Variants in NRG3 observed in about 807,000 individuals in gnomAD.
NRG3 encodes pro-neuregulin-3, membrane-bound isoform.
Under a neutral mutation model 66.9 loss-of-function variants are expected in NRG3, and 31 were observed. That is an observed-to-expected ratio of 0.46 (90% CI 0.35 to 0.63). The LOEUF (loss-of-function observed/expected upper bound fraction) is 0.63. Ranked by LOEUF, NRG3 falls within the 20% of genes least tolerant of loss-of-function variation. The pLI is 0.00. For missense variants in NRG3, 910 were observed against 878.9 expected (o/e 1.04, Z -0.45); for synonymous variants, 393 against 359.4 (o/e 1.09, Z -1.06).
chr10:82,114,765 C>T (rs1028728855), intron 1 of NRG3, among the ~76,000 whole-genome samples: 18 of 151,998 alleles, frequency 1.2e-4, no homozygotes, highest in African/African-American at 3.9e-4. Context: ...ATTAAATTTC[C>T]CCTGGAAACT....
chr10:82,408,079 GAGAGAC>G (rs1412636068), intron 2 of NRG3, among the ~76,000 whole-genome samples: 3 of 123,346 alleles, frequency 2.4e-5, no homozygotes, highest in East Asian at 2.3e-4. Context: ...GAGAGAGAGA[GAGAGAC>G]AGAAAGAAAG....
intron 1 of NRG3, chr10:81,878,120 T>C (rs1000756794): frequency 4.7e-6 from 7 of 1,498,506 alleles, no homozygotes; most frequent in Non-Finnish European, 6.2e-6. Context: ...CCCTCTATGC[T>C]CTCTTCCTAC....
At chr10:82,326,557 T>C (rs2081883953) in intron 1 of NRG3, among the ~76,000 whole-genome samples, 1 of 152,182 alleles carries the variant, frequency 6.6e-6, no homozygotes, top group South Asian at 2.1e-4. Flanking sequence ...TACTTTGAAG[T>C]CGCCCCATAC....
At chr10:82,387,274 CAAAAT>C (rs2086062889) in intron 2 of NRG3, among the ~76,000 whole-genome samples, 1 of 151,960 alleles carries the variant, frequency 6.6e-6, no homozygotes. Context: ...ATAAAACACT[CAAAAT>C]ATATATGCTT....
intron 6 of NRG3, among the ~76,000 whole-genome samples, chr10:82,973,402 C>A (rs1218097557): frequency 6.6e-6 from 1 of 152,152 alleles, no homozygotes; most frequent in Non-Finnish European, 1.5e-5. Context: ...AGTGTTGATT[C>A]AATCCTTATT....
At chr10:82,213,355 C>G (rs2075498723) in intron 1 of NRG3, among the ~76,000 whole-genome samples, 1 of 152,146 alleles carries the variant, frequency 6.6e-6, no homozygotes, top group South Asian at 2.1e-4. Flanking sequence ...CCACATCTGA[C>G]CTCATAGTCA....
At chr10:82,794,869 C>T (rs2060732268) in intron 3 of NRG3, among the ~76,000 whole-genome samples, 1 of 152,148 alleles carries the variant, frequency 6.6e-6, no homozygotes, top group Middle Eastern at 3.2e-3. Context: ...GAATGTCTCC[C>T]ATATGAAATA....
chr10:82,834,692 C>T (rs185152620), intron 3 of NRG3, among the ~76,000 whole-genome samples: 3 of 152,334 alleles, frequency 2.0e-5, no homozygotes, highest in Middle Eastern at 6.8e-3. Context: ...CACTCTCACT[C>T]CTCCTACCTG....
At chr10:82,866,803 G>A (rs1025943266) in intron 4 of NRG3, among the ~76,000 whole-genome samples, 6 of 152,244 alleles carry the variant, frequency 3.9e-5, no homozygotes, top group Admixed American at 1.3e-4. Context: ...GAAGATGGAG[G>A]AGTTATAGGA....
At chr10:82,716,761 G>C (rs1034590997) in intron 2 of NRG3, among the ~76,000 whole-genome samples, 6 of 152,090 alleles carry the variant, frequency 3.9e-5, no homozygotes, top group Non-Finnish European at 8.8e-5. Context: ...AGCAAATTAA[G>C]GTGGAAACTG....
chr10:82,218,414 A>C (rs1056452332), intron 1 of NRG3, among the ~76,000 whole-genome samples: 5 of 152,232 alleles, frequency 3.3e-5, no homozygotes, highest in Admixed American at 1.3e-4. Context: ...GTAATCTTAT[A>C]TACTACATTG....
At chr10:82,628,645 T>A (rs113916166) in intron 2 of NRG3, among the ~76,000 whole-genome samples, 2,348 of 152,094 alleles carry the variant, frequency 0.015, 57 homozygotes, top group African/African-American at 0.054. Context: ...ACATACACAC[T>A]CTTTCAACAG....
chr10:82,868,616 T>C (rs1840993773), intron 4 of NRG3, among the ~76,000 whole-genome samples: 1 of 152,228 alleles, frequency 6.6e-6, no homozygotes, highest in African/African-American at 2.4e-5. Context: ...CCTCAATAAT[T>C]CACCCCCACA....
intron 1 of NRG3, among the ~76,000 whole-genome samples, chr10:82,337,682 A>C (rs1228561482): frequency 3.9e-5 from 6 of 152,162 alleles, no homozygotes; most frequent in Non-Finnish European, 8.8e-5. Context: ...GTGATATTTC[A>C]TTGTAGTTTT....
intron 1 of NRG3, among the ~76,000 whole-genome samples, chr10:82,303,358 C>CACACACACACAT (rs60316836): frequency 6.6e-6 from 1 of 151,642 alleles, no homozygotes; most frequent in African/African-American, 2.4e-5. Context: ...CACACACACA[C>CACACACACACAT]GGAAGGACAC....
intron 1 of NRG3, among the ~76,000 whole-genome samples, chr10:82,085,797 C>T (rs149642686): frequency 1.5e-4 from 23 of 151,996 alleles, no homozygotes; most frequent in East Asian, 5.8e-4. Flanking sequence ...CCATCAGGCC[C>T]GGCTAATTTT....
chr10:82,452,116 T>C (rs945238620), intron 2 of NRG3, among the ~76,000 whole-genome samples: 1 of 152,240 alleles, frequency 6.6e-6, no homozygotes, highest in Non-Finnish European at 1.5e-5. Flanking sequence ...TTAGCTGATG[T>C]CTAATAACCC....
At chr10:82,828,626 T>C (rs2062363721) in intron 3 of NRG3, among the ~76,000 whole-genome samples, 1 of 152,226 alleles carries the variant, frequency 6.6e-6, no homozygotes, top group Non-Finnish European at 1.5e-5. Context: ...ATTTAAGTTA[T>C]AGACATTTGT....
chr10:82,941,679 G>A (rs967849914), intron 4 of NRG3, among the ~76,000 whole-genome samples: 1 of 152,130 alleles, frequency 6.6e-6, no homozygotes, highest in African/African-American at 2.4e-5. Flanking sequence ...TTGATGGATA[G>A]AAATAAATAC....
Sources: allele counts gnomAD v4.1 joint callset (sites outside exome capture counted in the v4.1 genomes callset), GRCh38; gene constraint gnomAD v4.1.1; transcripts MANE v1.5; gene names NCBI Gene and HGNC (gene_info 2026-07-23, HGNC 2026-07-21).